Variants in PARD3B observed in about 807,000 individuals in gnomAD.
The protein encoded by PARD3B is par-3 family cell polarity regulator beta.
PARD3B carries 103 observed loss-of-function variants against 130.2 expected under a neutral mutation model. The ratio of observed to expected loss-of-function variants is 0.79; its 90% confidence interval spans 0.67 to 0.93. The LOEUF is 0.93. PARD3B is among the 40% of genes least tolerant of loss of function. PARD3B has a pLI of 0.00. For missense variants in PARD3B, 1,609 were observed against 1,499.2 expected (o/e 1.07, Z -1.21); for synonymous variants, 583 against 553.2 (o/e 1.05, Z -0.76).
chr2:205,026,310 G>A (rs1697026236), intron 3 of PARD3B, among the ~76,000 whole-genome samples: 1 of 152,192 alleles, frequency 6.6e-6, no homozygotes, highest in African/African-American at 2.4e-5. Flanking sequence ...GGTGGCTGCA[G>A]TGTAGTGGGT....
intron 13 of PARD3B, among the ~76,000 whole-genome samples, chr2:205,181,897 TAA>T (rs1359073828): frequency 2.0e-5 from 3 of 152,188 alleles, no homozygotes; most frequent in Non-Finnish European, 4.4e-5. Context: ...TTATAGGAGA[TAA>T]GAGTTCCAGA....
chr2:205,224,198 G>T, intron 15 of PARD3B, among the ~76,000 whole-genome samples: 1 of 148,936 alleles, frequency 6.7e-6, no homozygotes, highest in South Asian at 2.1e-4. Flanking sequence ...TTGAAACCCC[G>T]TCTCTACTAA....
At chr2:204,650,603 T>C (rs1391941416) in intron 1 of PARD3B, among the ~76,000 whole-genome samples, 2 of 152,140 alleles carry the variant, frequency 1.3e-5, no homozygotes, top group Admixed American at 6.5e-5. Context: ...TTTAGGAACA[T>C]GGATGGAGTA....
At chr2:204,937,097 G>T (rs1221442986) in intron 2 of PARD3B, among the ~76,000 whole-genome samples, 1 of 152,224 alleles carries the variant, frequency 6.6e-6, no homozygotes, top group African/African-American at 2.4e-5. Flanking sequence ...TCTTTGGGGG[G>T]TCCCAATTAT....
At chr2:204,866,538 G>A (rs998335989) in intron 2 of PARD3B, among the ~76,000 whole-genome samples, 1 of 151,772 alleles carries the variant, frequency 6.6e-6, no homozygotes, top group Non-Finnish European at 1.5e-5. Flanking sequence ...TACTTATTAG[G>A]TGCCAGCCCT....
Position 205,047,622 on chromosome 2 carries a change from G to T in PARD3B, c.436G>T (p.Gly146Cys). The stretch of plus-strand genomic sequence containing the variant: ...GAGGAGAAGCAGTGACCCAGTGCCA[G>T]GCCCACCTGCTGATACCCAGCCAAG... ...LVRRSSDPVP[G>C]PPADTQPSAS... Residue 146 changes from glycine to cysteine, a missense_variant, in exon 4 of 23, where the codon GGC (glycine) becomes TGC (cysteine). Transcript: ENST00000406610. 1 of 1,550,740 alleles carries T rather than the reference G, an allele frequency of 6.4e-7. No individual in the cohort carries two copies.
rs2035506090 is a variant in PARD3B at position 205,176,927 on chromosome 2, T to G, written c.1924+350T>G. 6.6e-6 allele frequency among the ~76,000 whole-genome samples: 1 copy of G among 152,194 alleles called. No individual in the cohort carries two copies. The highest frequency in any genetic ancestry group is 1.5e-5 in the Non-Finnish European group (1 of 68,034). ...AAGTATAAATAAATAACTACCAAAA[T>G]TTAAAAATGTATGGATTTATAATCC... On this transcript the variant is annotated intron_variant, in intron 13 of 22. Coordinates refer to ENST00000406610, the MANE Select transcript of PARD3B (RefSeq NM_001302769.2). This position sits in a 1 kb window ranked among gnomAD's most constrained non-coding sequence, Gnocchi z 5.3.
chr2:205,010,985 T>C (rs1438139071), intron 3 of PARD3B, among the ~76,000 whole-genome samples: 1 of 152,210 alleles, frequency 6.6e-6, no homozygotes, highest in African/African-American at 2.4e-5. Context: ...CTCAGCTGTA[T>C]GTTTATATTT....
intron 18 of PARD3B, among the ~76,000 whole-genome samples, chr2:205,375,409 G>A (rs562754864): frequency 1.3e-5 from 2 of 152,304 alleles, no homozygotes; most frequent in Admixed American, 6.5e-5. Flanking sequence ...GGGTCAGGAA[G>A]AGCCCTCTGG....
At chr2:204,856,817 G>A (rs961734189) in intron 2 of PARD3B, among the ~76,000 whole-genome samples, 1 of 152,036 alleles carries the variant, frequency 6.6e-6, no homozygotes, top group African/African-American at 2.4e-5. Flanking sequence ...TTTGGCACCT[G>A]TGTGTCATAA....
chr2:204,551,602 T>A (rs1239432466), intron 1 of PARD3B, among the ~76,000 whole-genome samples: 1 of 152,156 alleles, frequency 6.6e-6, no homozygotes, highest in Non-Finnish European at 1.5e-5. Flanking sequence ...CCTCTGTGTA[T>A]AATCCATGCA....
At chr2:205,504,504 A>G (rs1007564015) in intron 21 of PARD3B, among the ~76,000 whole-genome samples, 48 of 151,786 alleles carry the variant, frequency 3.2e-4, no homozygotes, top group African/African-American at 8.9e-4. Context: ...TCTGACAAAG[A>G]GCTAATATCC....
intron 2 of PARD3B, among the ~76,000 whole-genome samples, chr2:204,932,843 T>G (rs1688130226): frequency 6.6e-6 from 1 of 152,190 alleles, no homozygotes; most frequent in South Asian, 2.1e-4. Flanking sequence ...GACAGCTCAT[T>G]AAAGGGCTTA....
chr2:204,578,870 A>G (rs1168195203), intron 1 of PARD3B, among the ~76,000 whole-genome samples: 1 of 152,066 alleles, frequency 6.6e-6, no homozygotes. Flanking sequence ...TGGGAAGATG[A>G]GAGTCATTCA....
rs188339699 is a variant in PARD3B, at chr2:205,115,282, T to C, written c.680+1705T>C. Among the ~76,000 whole-genome samples, 544 of 152,272 alleles carry C rather than the reference T, an allele frequency of 3.6e-3. 6 individuals are homozygous for C. The highest frequency in any genetic ancestry group is 2.0e-3 in the Non-Finnish European group (136 of 67,992). ...GCCTTGTAGAATAGAAGGAAGAGTA[T>C]TGGACGTGGTTTCAGAACAACTGGA... On this transcript the variant is annotated intron_variant, in intron 6 of 22. Transcript: ENST00000406610.
In PARD3B at chr2:205,497,397, T is replaced by C. The variant is rs904083471; in HGVS notation, c.3045-2499T>C. Among the ~76,000 whole-genome samples, 4 of 150,140 alleles carry C rather than the reference T, an allele frequency of 2.7e-5. No homozygotes were observed. In the Admixed American group the frequency reaches 2.7e-4, roughly 10 times the overall value. ...AACTTACCATCTAGTTTGAGAAGAA[T>C]GCTTTTCCTCCAAAAGGTGTTTACT... On this transcript the variant is annotated intron_variant, in intron 20 of 22. Coordinates refer to ENST00000406610, the MANE Select transcript of PARD3B (RefSeq NM_001302769.2).
intron 1 of PARD3B, among the ~76,000 whole-genome samples, chr2:204,548,089 T>G (rs994342312): frequency 2.6e-5 from 4 of 152,190 alleles, no homozygotes; most frequent in East Asian, 1.9e-4. Context: ...CCAAGTATTC[T>G]TCTCCCATAG....
chr2:205,110,634 G>GTTT (rs67202996), intron 5 of PARD3B, among the ~76,000 whole-genome samples: 2 of 104,684 alleles, frequency 1.9e-5, no homozygotes, highest in African/African-American at 3.2e-5. Context: ...TCTGTTTTTT[G>GTTT]TTTTTTGTTT....
intron 13 of PARD3B, among the ~76,000 whole-genome samples, chr2:205,182,201 A>T (rs2035829039): frequency 6.6e-6 from 1 of 152,124 alleles, no homozygotes; most frequent in Admixed American, 6.5e-5. Flanking sequence ...CTGAGGCAGG[A>T]GAATGGCTTG....
Sources: allele counts gnomAD v4.1 joint callset (sites outside exome capture counted in the v4.1 genomes callset), GRCh38; gene constraint gnomAD v4.1.1; non-coding constraint Gnocchi (gnomAD v3.1); transcripts MANE v1.5; gene names NCBI Gene and HGNC (gene_info 2026-07-23, HGNC 2026-07-21).